The following ZDBF2 variants were observed in gnomAD, a reference collection of about 807,000 sequenced individuals.
ZDBF2 encodes the protein DBF4-type zinc finger-containing protein 2.
Under a neutral mutation model 9.4 loss-of-function variants are expected in ZDBF2, and 6 were observed. The observed-to-expected ratio is 0.64, with a 90% CI of 0.35 to 1.27. The LOEUF is 1.27. Among genes scored for constraint, ZDBF2 ranks in the 50% most tolerant of loss-of-function variants. The pLI, the probability that ZDBF2 is intolerant of heterozygous loss-of-function variation, is 0.03. For synonymous variants in ZDBF2, 905 were observed against 946.3 expected, an observed-to-expected ratio of 0.96 and a Z score of 0.80; for missense variants, 2,697 against 2,766.8, an observed-to-expected ratio of 0.97 and a Z score of 0.57.
At position 206,306,659 on chromosome 2, in the gene ZDBF2, C is replaced by T; in HGVS notation, c.2131C>T (p.Pro711Ser). 1 of 1,613,778 alleles carries T rather than the reference C, an allele frequency of 6.2e-7. No homozygotes were observed. The highest frequency in any genetic ancestry group is 1.3e-5 in the African/African-American group (1 of 75,014). ...SSRSSLSSDSPASLYHSAHDE... is the reference protein window; with the variant it reads ...SSRSSLSSDSSASLYHSAHDE... The stretch of plus-strand genomic sequence containing the variant: ...CCGTTCTTCTCTGAGTTCTGATTCT[C>T]CGGCTTCTCTTTATCATTCAGCTCA... The change falls in exon 5 of 5, where the codon CCG (proline) becomes TCG (serine). Residue 711 changes from proline (P) to serine (S), a missense_variant. Pro to Ser is a moderately conservative substitution (Grantham distance 74). Transcript: ENST00000374423.
rs138018074 is a variant in ZDBF2, at chr2:206,299,173, G to A, written c.188+1800G>A. ...TGGGATTACAGGCGTGAGCCAACAC[G>A]CCCGGCCACATGCAACTATTTCTAT... is the stretch of plus-strand genomic sequence containing the variant. On this transcript the variant is annotated intron_variant, in intron 4 of 4. Transcript: ENST00000374423. Among the ~76,000 whole-genome samples, 1,190 of 152,162 alleles carry A rather than the reference G, an allele frequency of 7.8e-3. 6 individuals are homozygous for A. The highest frequency in any genetic ancestry group is 0.012 in the Non-Finnish European group (783 of 68,008).
At chr2:206,290,710 C>G (rs537436159) in intron 3 of ZDBF2, among the ~76,000 whole-genome samples, 1 of 152,268 alleles carries the variant, frequency 6.6e-6, no homozygotes, top group South Asian at 2.1e-4. Flanking sequence ...ATCATACAAC[C>G]TTGCTGACCT....
chr2:206,290,742 T>G (rs1194969338), intron 3 of ZDBF2, among the ~76,000 whole-genome samples: 1 of 152,204 alleles, frequency 6.6e-6, no homozygotes, highest in Non-Finnish European at 1.5e-5. Flanking sequence ...GCTAATAATT[T>G]TTTTTGTAGA....
intron 3 of ZDBF2, among the ~76,000 whole-genome samples, chr2:206,296,727 C>T (rs1574401984): frequency 6.6e-6 from 1 of 152,078 alleles, no homozygotes; most frequent in Non-Finnish European, 1.5e-5. Context: ...CTAAATCCAG[C>T]GCCATAGACT....
At chr2:206,282,480 A>T (rs912896825) in intron 3 of ZDBF2, among the ~76,000 whole-genome samples, 2 of 152,136 alleles carry the variant, frequency 1.3e-5, no homozygotes, top group African/African-American at 4.8e-5. Flanking sequence ...ACATGGGTAT[A>T]TTGCATACCT....
At chr2:206,294,081 A>G (rs190332783) in intron 3 of ZDBF2, among the ~76,000 whole-genome samples, 10 of 152,340 alleles carry the variant, frequency 6.6e-5, no homozygotes, top group Non-Finnish European at 8.8e-5. Context: ...GATTCAGCCA[A>G]TATGTATGAA....
chr2:206,310,542 C>A lies in ZDBF2; in HGVS notation c.6014C>A (p.Pro2005His). The change falls in exon 5 of 5, where the codon CCC becomes CAC. Residue 2005 changes from proline to histidine, a missense_variant. Around this residue, in one of 3 missense-constraint regions of ZDBF2, gnomAD observed 1,783 missense variants for 1,776.5 expected, o/e 1.00. Coordinates refer to ENST00000374423, the MANE Select transcript of ZDBF2 (RefSeq NM_020923.3). Reference sequence around the variant, plus strand: ...ACTAAAGTTTTGAAGCCTATGCAACCCAAAGCCTTAGTCTGTGTTCTTTCT... The same window carrying A: ...ACTAAAGTTTTGAAGCCTATGCAACACAAAGCCTTAGTCTGTGTTCTTTCT... ...SCTKVLKPMQ[P>H]KALVCVLSSL... 1 of 1,613,628 alleles carries A rather than the reference C, an allele frequency of 6.2e-7. No individual in the cohort carries two copies. The highest frequency in any genetic ancestry group is 8.5e-7 in the Non-Finnish European group (1 of 1,179,798).
chr2:206,279,966 A>G (rs1455190270), intron 2 of ZDBF2, among the ~76,000 whole-genome samples: 2 of 152,050 alleles, frequency 1.3e-5, no homozygotes, highest in Non-Finnish European at 2.9e-5. Flanking sequence ...CACCACACCC[A>G]GCTAGTTTTT....
Position 206,304,704 on chromosome 2 carries a change from C to A in ZDBF2, c.189-13C>A. 6.3e-7 allele frequency: 1 copy of A among 1,585,342 alleles called. No homozygotes were observed. Among genetic ancestry groups the A allele is most frequent in the South Asian group, 1.2e-5 (1 of 85,626 alleles). On this transcript the variant is annotated splice_polypyrimidine_tract_variant and intron_variant, in intron 4 of 4. Transcript: ENST00000374423. ...TTAGAATATGTTTATGAGTTTCCCC[C>A]CTTTCGTTTTAGTTCAACACAAGAT... is the stretch of plus-strand genomic sequence containing the variant.
In ZDBF2 at chr2:206,313,936, CTT is replaced by C. The variant is rs1693294643; in HGVS notation, c.*2344_*2345del. The C allele has an allele frequency of 6.6e-6, 1 of 152,058 alleles. No homozygotes were observed. Among genetic ancestry groups the C allele is most frequent in the Non-Finnish European group, 1.5e-5 (1 of 67,976 alleles). 9.4% of individuals were successfully genotyped at this position (152,058 alleles called of 1,614,324 possible). Reference sequence around the variant, plus strand: ...GCTTGAAAACTTGAAATTGTTGAAACTTATAATTTAAATTAAATTGGAAATTA... The same window carrying C: ...GCTTGAAAACTTGAAATTGTTGAAACATAATTTAAATTAAATTGGAAATTA... On this transcript the variant is annotated 3_prime_UTR_variant, in exon 5 of 5. Transcript: ENST00000374423.
In ZDBF2 at chr2:206,309,679, G is replaced by A; in HGVS notation, c.5151G>A (p.Lys1717=). Residue 1717 remains lysine, a synonymous_variant, in exon 5 of 5, where the codon AAG becomes AAA. Transcript: ENST00000374423. ...CAGTGGATTTTGGTGCCTCTTCCAAGTCAGCGCTCCATCGAAGGGCTGATA... is the reference window on the plus strand; with the variant it reads ...CAGTGGATTTTGGTGCCTCTTCCAAATCAGCGCTCCATCGAAGGGCTGATA... The part of the protein sequence containing the change: ...ASAVDFGASS[K]SALHRRADKK... The A allele has an allele frequency of 6.2e-7, 1 of 1,613,892 alleles. No homozygotes were observed. The highest frequency in any genetic ancestry group is 1.6e-4 in the Middle Eastern group (1 of 6,062).
At position 206,308,364 on chromosome 2, in the gene ZDBF2, A is replaced by G. The variant is rs1481645400; in HGVS notation, c.3836A>G (p.Lys1279Arg). The change falls in exon 5 of 5, where the codon AAA (lysine) becomes AGA (arginine). Residue 1279 changes from lysine to arginine, a missense_variant. Lys to Arg is a conservative substitution (Grantham distance 26). This residue lies in a region of ZDBF2 where 1,783 missense variants were observed against 1,776.5 expected (regional missense o/e 1.00). Coordinates refer to ENST00000374423, the MANE Select transcript of ZDBF2 (RefSeq NM_020923.3). ...EHVDLENKIV[K>R]PTDSRINFDS... Reference sequence around the variant, plus strand: ...GTTGACTTGGAAAATAAGATTGTCAAACCTACAGATTCCAGAATAAATTTT... The same window carrying G: ...GTTGACTTGGAAAATAAGATTGTCAGACCTACAGATTCCAGAATAAATTTT... The G allele has an allele frequency of 4.3e-6, 7 of 1,613,060 alleles. No homozygotes were observed. Among genetic ancestry groups the G allele is most frequent in the South Asian group, 1.1e-5 (1 of 90,840 alleles).
In ZDBF2 at chr2:206,313,757, C is replaced by T. The variant is rs1693289851; in HGVS notation, c.*2164C>T. On this transcript the variant is annotated 3_prime_UTR_variant, in exon 5 of 5. Coordinates refer to ENST00000374423, the MANE Select transcript of ZDBF2 (RefSeq NM_020923.3). Reference sequence around the variant, plus strand: ...ATGTTACCATTTTCACATTGGAAGCCCTTCTAAGTACCATTTTCATTGGGG... The same window carrying T: ...ATGTTACCATTTTCACATTGGAAGCTCTTCTAAGTACCATTTTCATTGGGG... 6.6e-6 allele frequency: 1 copy of T among 151,938 alleles called. No homozygotes were observed. The highest frequency in any genetic ancestry group is 2.1e-4 in the South Asian group (1 of 4,820). The allele number at this position is 151,938 out of a possible 1,614,324, so 9.4% of individuals were successfully genotyped here. A position where few individuals can be genotyped will look rare whatever the true frequency, so the allele number is the denominator to read the frequency against.
Position 206,314,252 on chromosome 2 carries a change from TGTGA to T in ZDBF2, c.*2662_*2665del, listed in dbSNP as rs965897270. On this transcript the variant is annotated 3_prime_UTR_variant, in exon 5 of 5. Transcript: ENST00000374423. Reference sequence around the variant, plus strand: ...TTTAAATTATTTATGTAACTAGGGCTGTGAGTAACACTTTTTTTTTTTTTTTTTG... The same window carrying T: ...TTTAAATTATTTATGTAACTAGGGCTGTAACACTTTTTTTTTTTTTTTTTG... 29 of 144,882 alleles carry T rather than the reference TGTGA, an allele frequency of 2.0e-4. No homozygotes were observed. Among genetic ancestry groups the T allele is most frequent in the African/African-American group, 5.3e-4 (21 of 39,584 alleles). The allele number at this position is 144,882 out of a possible 1,614,324, so 9.0% of individuals were successfully genotyped here. A position where few individuals can be genotyped will look rare whatever the true frequency, so the allele number is the denominator to read the frequency against.
At position 206,306,321 on chromosome 2, in the gene ZDBF2, T is replaced by G. The variant is rs745355296; in HGVS notation, c.1793T>G (p.Leu598Arg). The part of the protein sequence containing the change: ...SLESVVDHPQ[L>R]TVKGRNLKGR... Reference sequence around the variant, plus strand: ...GAGTCAGTAGTTGATCATCCCCAACTGACTGTCAAAGGAAGAAACCTGAAA... The same window carrying G: ...GAGTCAGTAGTTGATCATCCCCAACGGACTGTCAAAGGAAGAAACCTGAAA... The change falls in exon 5 of 5, where the codon CTG becomes CGG. Residue 598 changes from leucine to arginine, a missense_variant. Leu to Arg is a moderately radical substitution (Grantham distance 102). This residue lies in a region of ZDBF2 where 910 missense variants were observed against 973.6 expected (regional missense o/e 0.93). Transcript: ENST00000374423. 6 of 1,613,726 alleles carry G rather than the reference T, an allele frequency of 3.7e-6. No individual in the cohort carries two copies. The highest frequency in any genetic ancestry group is 1.3e-5 in the African/African-American group (1 of 75,052).
intron 3 of ZDBF2, among the ~76,000 whole-genome samples, chr2:206,287,450 C>T (rs1209350040): frequency 1.3e-5 from 2 of 152,192 alleles, no homozygotes; most frequent in East Asian, 3.8e-4. Context: ...GTTAGTCTAA[C>T]GATGATTCCC....
intron 3 of ZDBF2, among the ~76,000 whole-genome samples, chr2:206,289,274 A>G (rs1342705797): frequency 6.6e-6 from 1 of 152,086 alleles, no homozygotes; most frequent in East Asian, 1.9e-4. Context: ...CTGGGATGCA[A>G]GGTGCCACTT....
chr2:206,298,679 A>T (rs1281942141), intron 4 of ZDBF2, among the ~76,000 whole-genome samples: 2 of 152,030 alleles, frequency 1.3e-5, no homozygotes, highest in African/African-American at 4.8e-5. Context: ...ACCCGTCACC[A>T]TGCCTGGCTA....
chr2:206,297,836 C>A (rs531814843), intron 4 of ZDBF2, among the ~76,000 whole-genome samples: 2 of 152,046 alleles, frequency 1.3e-5, no homozygotes, highest in Non-Finnish European at 1.5e-5. Context: ...TGTGTCACCA[C>A]GCCTGGCTAA....
Sources: gnomAD v4.1 joint callset for allele counts (sites outside exome capture counted in the v4.1 genomes callset) on GRCh38, gnomAD v4.1.1 for gene constraint, gnomAD v4.1.1 regional missense constraint, MANE v1.5 for transcripts, NCBI Gene and HGNC (gene_info 2026-07-23, HGNC 2026-07-21) for gene names.